The following IGF2R variants were observed in gnomAD, a reference collection of about 807,000 sequenced individuals.
IGF2R encodes the protein cation-independent mannose-6-phosphate receptor.
Under a neutral mutation model 270.6 loss-of-function variants are expected in IGF2R, and 91 were observed. That is an observed-to-expected ratio of 0.34 (90% CI 0.28 to 0.40). The LOEUF (loss-of-function observed/expected upper bound fraction) is 0.40. IGF2R is among the 10% of genes least tolerant of loss of function. IGF2R has a pLI of 1.00. For missense variants in IGF2R, 2,805 were observed against 3,188.3 expected (o/e 0.88, Z 2.90); for synonymous variants, 1,316 against 1,258.9 (o/e 1.05, Z -0.96).
Position 160,072,848 on chromosome 6 carries a change from A to G in IGF2R, c.4654A>G (p.Ile1552Val), listed in dbSNP as rs755432253. ...YSEKGLVYMS[I>V]CGENENCPPG... ...CGAGAAGGGGTTGGTTTACATGAGC[A>G]TCTGTGGGGAGAATGAAAACTGCCC... Residue 1552 changes from isoleucine to valine, a missense_variant, in exon 33 of 48, where the codon ATC (isoleucine) becomes GTC (valine). By Grantham distance (29) the Ile-to-Val change is conservative. Around this residue, in one of 2 missense-constraint regions of IGF2R, gnomAD observed 1,851 missense variants for 2,207.2 expected, o/e 0.84. Coordinates refer to ENST00000356956, the MANE Select transcript of IGF2R (RefSeq NM_000876.4). 2.5e-6 allele frequency: 4 copies of G among 1,614,092 alleles called. No homozygotes were observed. The South Asian group carries it at 3.3e-5, about 13-fold the overall frequency.
rs1296830106 is a variant in IGF2R, at chr6:160,013,443, C to G, written c.513+2658C>G. The stretch of plus-strand genomic sequence containing the variant: ...AAAAAAAAAAAAAAAAGGTGCTGAT[C>G]TGTGTTCTAAATAGTTTTTGGGGTG... On this transcript the variant is annotated intron_variant, in intron 4 of 47. Coordinates refer to ENST00000356956, the MANE Select transcript of IGF2R (RefSeq NM_000876.4). Among the ~76,000 whole-genome samples the G allele has an allele frequency of 2.1e-5, 3 of 140,562 alleles. No homozygotes were observed. In the Admixed American group the frequency reaches 2.2e-4, roughly 10 times the overall value. 92.2% of individuals were successfully genotyped at this position (140,562 alleles called of 152,430 possible). A position where few individuals can be genotyped will look rare whatever the true frequency, so the allele number is the denominator to read the frequency against.
intron 10 of IGF2R, among the ~76,000 whole-genome samples, chr6:160,040,053 A>G (rs3777414): frequency 0.33 from 50,447 of 152,024 alleles, 8,986 homozygotes; most frequent in East Asian, 0.75. Flanking sequence ...GCGACTGACT[A>G]TAGATGGCTT....
At chr6:160,001,839 T>C (rs1458329902) in intron 2 of IGF2R, among the ~76,000 whole-genome samples, 1 of 152,234 alleles carries the variant, frequency 6.6e-6, no homozygotes, top group East Asian at 1.9e-4. Flanking sequence ...GCAACCTAAT[T>C]ATTTTCACAT....
Position 160,079,595 on chromosome 6 carries a change from C to A in IGF2R, c.5494C>A (p.Arg1832Ser). The change falls in exon 38 of 48, where the codon CGC becomes AGC. Residue 1832 changes from arginine to serine, a missense_variant. Physicochemically the swap from Arg to Ser is moderately radical, Grantham distance 110. Around this residue, in one of 2 missense-constraint regions of IGF2R, gnomAD observed 1,851 missense variants for 2,207.2 expected, o/e 0.84. Coordinates refer to ENST00000356956, the MANE Select transcript of IGF2R (RefSeq NM_000876.4). ...TTTTGTCCAGGTGACTCGCGACTCG[C>A]GCACCTACAGCGTTGGGGTGTGCAC... ...TSTFKVTRDSRTYSVGVCTFA... is the reference protein window; with the variant it reads ...TSTFKVTRDSSTYSVGVCTFA... 1 of 1,450,044 alleles carries A rather than the reference C, an allele frequency of 6.9e-7. No homozygotes were observed. The highest frequency in any genetic ancestry group is 9.1e-7 in the Non-Finnish European group (1 of 1,096,314). The allele number at this position is 1,450,044 out of a possible 1,614,324, so 89.8% of individuals were successfully genotyped here. A position where few individuals can be genotyped will look rare whatever the true frequency, so the allele number is the denominator to read the frequency against.
At chr6:160,008,506 G>A (rs959892714) in intron 2 of IGF2R, among the ~76,000 whole-genome samples, 1 of 152,166 alleles carries the variant, frequency 6.6e-6, no homozygotes, top group African/African-American at 2.4e-5. Context: ...AAGCAGAGAT[G>A]TGGTCATTCT....
chr6:160,073,517 T>A, intron 34 of IGF2R, 48 bp downstream of exon 34: 1 of 1,600,836 alleles, frequency 6.2e-7, no homozygotes, highest in Admixed American at 1.7e-5. Flanking sequence ...AGTGCCTGGC[T>A]GCACCCGGGC....
chr6:160,047,829 C>G lies in IGF2R; in HGVS notation c.2267C>G (p.Thr756Ser). Reference protein sequence around the residue: ...DNSTYNFRWYTSYACPEEPLE... With the variant: ...DNSTYNFRWYSSYACPEEPLE... Reference sequence around the variant, plus strand: ...TCCACCTACAACTTCCGGTGGTACACCAGCTATGCCTGCCCGGAGGAGCCC... The same window carrying G: ...TCCACCTACAACTTCCGGTGGTACAGCAGCTATGCCTGCCCGGAGGAGCCC... Residue 756 changes from threonine (T) to serine (S), a missense_variant, in exon 17 of 48, where the codon ACC (threonine) becomes AGC (serine). This residue lies in a region of IGF2R where 954 missense variants were observed against 981.1 expected (regional missense o/e 0.97). Coordinates refer to ENST00000356956, the MANE Select transcript of IGF2R (RefSeq NM_000876.4). 1.2e-6 allele frequency: 2 copies of G among 1,614,082 alleles called. No homozygotes were observed. Among genetic ancestry groups the G allele is most frequent in the Non-Finnish European group, 1.7e-6 (2 of 1,179,904 alleles).
At position 160,109,209 on chromosome 6, in the gene IGF2R, C is replaced by T. The variant is rs1779691102; in HGVS notation, c.*4125C>T. 1 of 152,114 alleles carries T rather than the reference C, an allele frequency of 6.6e-6. No individual in the cohort carries two copies. Among genetic ancestry groups the T allele is most frequent in the Non-Finnish European group, 1.5e-5 (1 of 68,028 alleles). The allele number at this position is 152,114 out of a possible 1,614,324, so 9.4% of individuals were successfully genotyped here. A position where few individuals can be genotyped will look rare whatever the true frequency, so the allele number is the denominator to read the frequency against. ...AGAGTGAAAATGAGGGGCTCACAAC[C>T]CAGGTGAGGTCATCTGGTGCCACTC... On this transcript the variant is annotated 3_prime_UTR_variant, in exon 48 of 48. Coordinates refer to ENST00000356956, the MANE Select transcript of IGF2R (RefSeq NM_000876.4).
intron 4 of IGF2R, among the ~76,000 whole-genome samples, chr6:160,014,849 G>T (rs1329102079): frequency 6.6e-6 from 1 of 152,164 alleles, no homozygotes. Context: ...TTGCCTTTCT[G>T]CATGAATCTG....
chr6:160,018,680 A>T (rs911877204), intron 4 of IGF2R, among the ~76,000 whole-genome samples: 3 of 152,196 alleles, frequency 2.0e-5, no homozygotes, highest in Non-Finnish European at 2.9e-5. Context: ...TCTCATAACT[A>T]TACAAATAAT....
chr6:160,048,892 C>T (rs1477589536), intron 18 of IGF2R, among the ~76,000 whole-genome samples: 1 of 152,172 alleles, frequency 6.6e-6, no homozygotes, highest in African/African-American at 2.4e-5. Flanking sequence ...GCTCTTGTTT[C>T]TGGATTGATT....
chr6:160,007,366 C>T (rs904773318), intron 2 of IGF2R: 7 of 152,218 alleles, frequency 4.6e-5, no homozygotes, highest in Non-Finnish European at 7.3e-5. Flanking sequence ...GAGCTCTGAG[C>T]CACCTCATGG....
At chr6:159,980,085 G>A (rs1435429931) in intron 1 of IGF2R, among the ~76,000 whole-genome samples, 1 of 152,036 alleles carries the variant, frequency 6.6e-6, no homozygotes, top group African/African-American at 2.4e-5. Flanking sequence ...GGAGGCTGTG[G>A]CAGGAGAATG....
chr6:160,064,749 A>G (rs1778524812), intron 28 of IGF2R, 55 bp from the exon 29 acceptor site: 1 of 1,310,510 alleles, frequency 7.6e-7, no homozygotes, highest in East Asian at 2.3e-5. Context: ...AACTCAAAGT[A>G]TAAACTAAAG....
intron 2 of IGF2R, among the ~76,000 whole-genome samples, chr6:159,993,221 A>G (rs1017051192): frequency 6.6e-6 from 1 of 152,146 alleles, no homozygotes; most frequent in African/African-American, 2.4e-5. Context: ...TCTGCTGTGC[A>G]GAAGCTTTTT....
chr6:160,093,647 C>T (rs750219442), intron 44 of IGF2R: 24 of 737,298 alleles, frequency 3.3e-5, no homozygotes, highest in Non-Finnish European at 4.6e-5. Context: ...GGTAAACTTC[C>T]GTGGATTCCT....
chr6:160,105,242 G>A lies in IGF2R; in HGVS notation c.*158G>A, dbSNP rs1053393665. 1.6e-5 allele frequency: 10 copies of A among 621,580 alleles called. No homozygotes were observed. Among genetic ancestry groups the A allele is most frequent in the Non-Finnish European group, 2.8e-5 (10 of 359,622 alleles). The allele number at this position is 621,580 out of a possible 1,614,324, so 38.5% of individuals were successfully genotyped here. A position where few individuals can be genotyped will look rare whatever the true frequency, so the allele number is the denominator to read the frequency against. ...ATGGGGGAGAGGGTGAAGGAGGTCA[G>A]GCCCCACTCCTTCCTGATTGTTTAC... On this transcript the variant is annotated 3_prime_UTR_variant, in exon 48 of 48. Transcript: ENST00000356956.
At chr6:160,099,589 G>A (rs376311524) in intron 45 of IGF2R, among the ~76,000 whole-genome samples, 1 of 152,160 alleles carries the variant, frequency 6.6e-6, no homozygotes, top group South Asian at 2.1e-4. Flanking sequence ...GGTTGATCTC[G>A]ATCTCCTGAT....
At chr6:160,061,171 G>A (rs1778431294) in intron 23 of IGF2R, among the ~76,000 whole-genome samples, 1 of 152,146 alleles carries the variant, frequency 6.6e-6, no homozygotes, top group South Asian at 2.1e-4. Flanking sequence ...GGGCAGTGGG[G>A]GTTTGGCTTT....
Sources: gnomAD v4.1 joint callset for allele counts (sites outside exome capture counted in the v4.1 genomes callset) on GRCh38, gnomAD v4.1.1 for gene constraint, gnomAD v4.1.1 regional missense constraint, MANE v1.5 for transcripts, NCBI Gene and HGNC (gene_info 2026-07-23, HGNC 2026-07-21) for gene names.